Variants in PRF1 observed in about 807,000 individuals in gnomAD.
PRF1 encodes perforin 1.
A neutral mutation model predicts 11.7 loss-of-function variants in PRF1; 11 were observed. The observed-to-expected ratio is 0.94, with a 90% confidence interval of 0.59 to 1.56. The LOEUF is 1.56. PRF1 is among the 40% of genes most tolerant of loss of function. The probability of loss-of-function intolerance (pLI) is 0.00; values close to 1 mark genes in which losing one functional copy is unlikely to be tolerated. For synonymous variants in PRF1, 314 were observed against 327.8 expected, an observed-to-expected ratio of 0.96 and a Z score of 0.45; for missense variants, 729 against 751.0, an observed-to-expected ratio of 0.97 and a Z score of 0.34.
intron 1 of PRF1, among the ~76,000 whole-genome samples, chr10:70,602,443 C>A (rs187663316): frequency 1.3e-5 from 2 of 152,244 alleles, no homozygotes; most frequent in African/African-American, 4.8e-5. Context: ...CTTGCAGGGC[C>A]TTAGAAACTG....
Position 70,600,578 on chromosome 10 carries a change from C to A in PRF1, c.325G>T (p.Ala109Ser). 6.2e-7 allele frequency: 1 copy of A among 1,613,902 alleles called. No individual in the cohort carries two copies. The highest frequency in any genetic ancestry group is 2.2e-5 in the East Asian group (1 of 44,870). ...GSGCQRHVTR[A>S]KVSSTEAVAR... ...ACAGCTTCAGTGGAGCTGACTTTGG[C>A]CCTGGTTACATGGCGCTGGCAGCCA... The change falls in exon 2 of 3, where the codon GCC (alanine) becomes TCC (serine). Residue 109 changes from alanine to serine, a missense_variant. Transcript: ENST00000441259. This position sits in a 1 kb window ranked among gnomAD's most constrained non-coding sequence, Gnocchi z 4.9.
At chr10:70,601,051 T>A in intron 1 of PRF1, 119 bp from the exon 2 acceptor site, 1 of 1,384,946 alleles carries the variant, frequency 7.2e-7, no homozygotes, top group Non-Finnish European at 9.7e-7. Flanking sequence ...ATTCAATGAA[T>A]GTCAGAGCTG....
Position 70,597,658 on chromosome 10 carries a change from C to T in PRF1, c.*395G>A. The T allele has an allele frequency of 1.7e-6, 1 of 580,766 alleles. No homozygotes were observed. The allele number at this position is 580,766 out of a possible 1,614,324, so 36.0% of individuals were successfully genotyped here. Reference sequence around the variant, plus strand: ...GCTTGAGAATGGCGGAGGGCTTAGGCAGTTTGGACAGGGTGAATCGGGATT... The same window carrying T: ...GCTTGAGAATGGCGGAGGGCTTAGGTAGTTTGGACAGGGTGAATCGGGATT... On this transcript the variant is annotated 3_prime_UTR_variant, in exon 3 of 3. Transcript: ENST00000441259.
Position 70,599,199 on chromosome 10 carries a change from C to A in PRF1, c.540-18G>T, listed in dbSNP as rs773892030. On this transcript the variant is annotated intron_variant, in intron 2 of 2. Transcript: ENST00000441259. ...CATGGAAACTGCGAGAAGAGAGAGA[C>A]CTCAGCTGGGCCCAGGGGAGTATTT... The A allele has an allele frequency of 1.2e-6, 2 of 1,613,976 alleles. No homozygotes were observed. Among genetic ancestry groups the A allele is most frequent in the South Asian group, 2.2e-5 (2 of 91,060 alleles).
In PRF1 at chr10:70,600,783, A is replaced by C. The variant is rs1178441747; in HGVS notation, c.120T>G (p.Gly40=). The change falls in exon 2 of 3, where the codon GGT becomes GGG. Residue 40 remains glycine, a synonymous_variant. Transcript: ENST00000441259. This position sits in a 1 kb window ranked among gnomAD's most constrained non-coding sequence, Gnocchi z 4.9. ...CCACACCCTCCCCGGCCAGCCATGC[A>C]CCAGGCACGAACTTGTGGCTGCGCT... ...ECKRSHKFVP[G]AWLAGEGVDV... 1 of 1,610,924 alleles carries C rather than the reference A, an allele frequency of 6.2e-7. No individual in the cohort carries two copies. The highest frequency in any genetic ancestry group is 2.2e-5 in the East Asian group (1 of 44,794).
Position 70,600,039 on chromosome 10 carries a change from C to T in PRF1, c.539+325G>A, listed in dbSNP as rs1848197381. The stretch of plus-strand genomic sequence containing the variant: ...TGCCTCTGTCCCTATCCAGGAAGGA[C>T]TCTGTGGAAGGCTGGCTGTGCCCAG... On this transcript the variant is annotated intron_variant, in intron 2 of 2. Transcript: ENST00000441259. The surrounding 1 kb of genome is among the most constrained non-coding windows in gnomAD (Gnocchi z 4.9). 6.6e-6 allele frequency among the ~76,000 whole-genome samples: 1 copy of T among 152,210 alleles called. No individual in the cohort carries two copies. Among genetic ancestry groups the T allele is most frequent in the Admixed American group, 6.5e-5 (1 of 15,280 alleles).
In PRF1 at chr10:70,598,028, C is replaced by T; in HGVS notation, c.*25G>A. 6.2e-7 allele frequency: 1 copy of T among 1,610,444 alleles called. No homozygotes were observed. The highest frequency in any genetic ancestry group is 8.5e-7 in the Non-Finnish European group (1 of 1,179,954). Reference sequence around the variant, plus strand: ...TGAGAACCCCTTCAGTCCAAGCATACTGGTCCTTTCCAAGCTCACTGTTCT... The same window carrying T: ...TGAGAACCCCTTCAGTCCAAGCATATTGGTCCTTTCCAAGCTCACTGTTCT... On this transcript the variant is annotated 3_prime_UTR_variant, in exon 3 of 3. Coordinates refer to ENST00000441259, the MANE Select transcript of PRF1 (RefSeq NM_001083116.3).
rs1848200343 is a variant in PRF1, at chr10:70,600,267, C to T, written c.539+97G>A. On this transcript the variant is annotated intron_variant, in intron 2 of 2. Coordinates refer to ENST00000441259, the MANE Select transcript of PRF1 (RefSeq NM_001083116.3). This position sits in a 1 kb window ranked among gnomAD's most constrained non-coding sequence, Gnocchi z 4.9. The stretch of plus-strand genomic sequence containing the variant: ...GTTTCTTCCTGGTGGAAGCAGCCTC[C>T]AAGTTTGATTGGAGGACTCTGCCTT... 6.4e-7 allele frequency: 1 copy of T among 1,552,302 alleles called. No homozygotes were observed. Among genetic ancestry groups the T allele is most frequent in the African/African-American group, 1.4e-5 (1 of 73,280 alleles).
rs919054906 is a variant in PRF1 at position 70,598,562 on chromosome 10, T to G, written c.1159A>C (p.Lys387Gln). 17 of 1,612,652 alleles carry G rather than the reference T, an allele frequency of 1.1e-5. No homozygotes were observed. The highest frequency in any genetic ancestry group is 1.4e-5 in the Non-Finnish European group (16 of 1,179,750). ...CSRPCPPGRQ[K>Q]SPRDPCQCVC... The stretch of plus-strand genomic sequence containing the variant: ...CACTGGCATGGGTCTCGGGGGCTCT[T>G]CTGCCGCCCTGGTGGGCACGGCCGG... The change falls in exon 3 of 3, where the codon AAG becomes CAG. Residue 387 changes from lysine (K) to glutamine (Q), a missense_variant. By Grantham distance (53) the Lys-to-Gln change is moderately conservative. Transcript: ENST00000441259.
intron 1 of PRF1, among the ~76,000 whole-genome samples, chr10:70,601,342 C>T (rs1459195009): frequency 6.6e-6 from 1 of 152,150 alleles, no homozygotes; most frequent in Non-Finnish European, 1.5e-5. Context: ...GAACAAGCCA[C>T]CCTTTGCCCA....
rs1371826884 is a variant in PRF1 at position 70,598,935 on chromosome 10, G to A, written c.786C>T (p.Ala262=). Residue 262 remains alanine (A), a synonymous_variant, in exon 3 of 3, where the codon GCC becomes GCT. Coordinates refer to ENST00000441259, the MANE Select transcript of PRF1 (RefSeq NM_001083116.3). ...NEVEDCLTVE[A]QVNIGIHGSI... The stretch of plus-strand genomic sequence containing the variant: ...TGCCGTGGATGCCTATGTTGACCTG[G>A]GCCTCGACAGTCAGGCAGTCCTCCA... 6.2e-7 allele frequency: 1 copy of A among 1,614,232 alleles called. No individual in the cohort carries two copies. The highest frequency in any genetic ancestry group is 1.3e-5 in the African/African-American group (1 of 75,060).
At chr10:70,601,048 G>C in intron 1 of PRF1, 116 bp from the exon 2 acceptor site, 1 of 1,389,478 alleles carries the variant, frequency 7.2e-7, no homozygotes, top group Non-Finnish European at 9.7e-7. Context: ...ATTATTCAAT[G>C]AATGTCAGAG....
rs761607073 is a variant in PRF1 at position 70,598,557 on chromosome 10, G to T, written c.1164C>A (p.Ser388Arg). The change falls in exon 3 of 3, where the codon AGC (serine) becomes AGA (arginine). Residue 388 changes from serine to arginine, a missense_variant. Transcript: ENST00000441259. ...SRPCPPGRQK[S>R]PRDPCQCVCH... ...ACACACACTGGCATGGGTCTCGGGGGCTCTTCTGCCGCCCTGGTGGGCACG... is the reference window on the plus strand; with the variant it reads ...ACACACACTGGCATGGGTCTCGGGGTCTCTTCTGCCGCCCTGGTGGGCACG... 8 of 1,612,872 alleles carry T rather than the reference G, an allele frequency of 5.0e-6. No individual in the cohort carries two copies. The highest frequency in any genetic ancestry group is 6.8e-6 in the Non-Finnish European group (8 of 1,179,792).
In PRF1 at chr10:70,598,204, T is replaced by C; in HGVS notation, c.1517A>G (p.His506Arg). Residue 506 changes from histidine (H) to arginine (R), a missense_variant, in exon 3 of 3, where the codon CAT becomes CGT. By Grantham distance (29) the His-to-Arg change is conservative. Coordinates refer to ENST00000441259, the MANE Select transcript of PRF1 (RefSeq NM_001083116.3). The stretch of plus-strand genomic sequence containing the variant: ...ATGATTCAGGTTGCATCTCACCTCA[T>C]GGGAACCAGACTTGGGAGCCTGATC... Reference protein sequence around the residue: ...TCDQAPKSGSHEVRCNLNHGH... With the variant: ...TCDQAPKSGSREVRCNLNHGH... 2 of 1,614,182 alleles carry C rather than the reference T, an allele frequency of 1.2e-6. No individual in the cohort carries two copies. The highest frequency in any genetic ancestry group is 1.7e-6 in the Non-Finnish European group (2 of 1,180,038).
At chr10:70,599,300 A>C in intron 2 of PRF1, 119 bp from the exon 3 acceptor site, 1 of 1,323,168 alleles carries the variant, frequency 7.6e-7, no homozygotes, top group Non-Finnish European at 1.1e-6. Flanking sequence ...ACTGGAACCC[A>C]GGGGCCCGGC....
rs1423294156 is a variant in PRF1 at position 70,600,327 on chromosome 10, C to A, written c.539+37G>T. On this transcript the variant is annotated intron_variant, in intron 2 of 2. Coordinates refer to ENST00000441259, the MANE Select transcript of PRF1 (RefSeq NM_001083116.3). This position sits in a 1 kb window ranked among gnomAD's most constrained non-coding sequence, Gnocchi z 4.9. ...CCTAGACCACCCAGAGTTTCCCGCG[C>A]CTTTTCCAGCCCCCCACCCCTAGCC... is the stretch of plus-strand genomic sequence containing the variant. The A allele has an allele frequency of 5.0e-6, 8 of 1,612,780 alleles. No homozygotes were observed. The East Asian group carries it at 1.6e-4, about 31-fold the overall frequency.
rs545398165 is a variant in PRF1 at position 70,601,274 on chromosome 10, G to A, written c.-30-342C>T. Among the ~76,000 whole-genome samples the A allele has an allele frequency of 2.2e-3, 334 of 152,286 alleles. 1 individual carries two copies. Among genetic ancestry groups the A allele is most frequent in the African/African-American group, 7.6e-3 (314 of 41,546 alleles). On this transcript the variant is annotated intron_variant, in intron 1 of 2. Coordinates refer to ENST00000441259, the MANE Select transcript of PRF1 (RefSeq NM_001083116.3). ...ACAGAGTAGCTGTAGCAGGTTTAGG[G>A]AGGGGTCTGGGGACCTGAGGAAGCC...
chr10:70,600,283 A>T lies in PRF1; in HGVS notation c.539+81T>A. 6.3e-7 allele frequency: 1 copy of T among 1,577,804 alleles called. No individual in the cohort carries two copies. The highest frequency in any genetic ancestry group is 8.6e-7 in the Non-Finnish European group (1 of 1,165,476). On this transcript the variant is annotated intron_variant, in intron 2 of 2. Coordinates refer to ENST00000441259, the MANE Select transcript of PRF1 (RefSeq NM_001083116.3). This position sits in a 1 kb window ranked among gnomAD's most constrained non-coding sequence, Gnocchi z 4.9. ...AGCAGCCTCCAAGTTTGATTGGAGG[A>T]CTCTGCCTTTCCAGGGCTCCTAGAC...
chr10:70,601,055 A>C, intron 1 of PRF1, 123 bp from the exon 2 acceptor site: 2 of 1,372,416 alleles, frequency 1.5e-6, no homozygotes, highest in Non-Finnish European at 2.0e-6. Flanking sequence ...AATGAATGTC[A>C]GAGCTGGTAT....
Sources: allele counts gnomAD v4.1 joint callset (sites outside exome capture counted in the v4.1 genomes callset), GRCh38; gene constraint gnomAD v4.1.1; non-coding constraint Gnocchi (gnomAD v3.1); transcripts MANE v1.5; gene names NCBI Gene and HGNC (gene_info 2026-07-23, HGNC 2026-07-21).